CD4: variants seen among roughly 807,000 people sequenced by gnomAD.
CD4 encodes the protein T-cell surface glycoprotein CD4.
In CD4, 25 loss-of-function variants were observed where a neutral mutation model predicts 50.5. The observed-to-expected ratio is 0.49, with a 90% CI of 0.36 to 0.69. The LOEUF is 0.69. Among genes scored for constraint, CD4 ranks in the 30% least tolerant of loss-of-function variants. CD4 has a pLI of 0.00. For synonymous variants in CD4, 207 were observed against 221.9 expected (o/e 0.93, Z 0.60); for missense variants, 456 against 548.5 (o/e 0.83, Z 1.68).
intron 3 of CD4, among the ~76,000 whole-genome samples, chr12:6,811,698 G>A (rs1942945102): frequency 6.7e-6 from 1 of 149,798 alleles, no homozygotes; most frequent in South Asian, 2.1e-4. Context: ...TTTTAGTAGA[G>A]ATGGGGTTTC....
In CD4 at chr12:6,802,554, C is replaced by T. The variant is rs146973510; in HGVS notation, c.214+2083C>T. Among the ~76,000 whole-genome samples, 612 of 152,174 alleles carry T rather than the reference C, an allele frequency of 4.0e-3. 1 individual carries two copies. Among genetic ancestry groups the T allele is most frequent in the Non-Finnish European group, 6.9e-3 (466 of 68,000 alleles). ...AATTCCTAGGCTCAAGTGATCTTCC[C>T]GCTTTGGCCTCCCAAAGTGCTGGGA... On this transcript the variant is annotated intron_variant, in intron 3 of 9. Transcript: ENST00000011653.
intron 1 of CD4, 131 bp from the exon 2 acceptor site, chr12:6,799,941 T>A: frequency 1.7e-6 from 1 of 590,228 alleles, no homozygotes. Context: ...AACCTCCAAT[T>A]CCCTCTGCTA....
At chr12:6,814,432 C>A in intron 4 of CD4, 132 bp downstream of exon 4, 1 of 937,238 alleles carries the variant, frequency 1.1e-6, no homozygotes, top group Non-Finnish European at 1.6e-6. Flanking sequence ...GTCAAACTGG[C>A]CTCCAAATGT....
chr12:6,811,128 G>T (rs1942923963), intron 3 of CD4, among the ~76,000 whole-genome samples: 1 of 152,106 alleles, frequency 6.6e-6, no homozygotes, highest in Non-Finnish European at 1.5e-5. Context: ...GAGGACCTGG[G>T]CATCTCAGGG....
chr12:6,808,192 C>T (rs1300260591), intron 3 of CD4, among the ~76,000 whole-genome samples: 6 of 151,190 alleles, frequency 4.0e-5, no homozygotes, highest in Admixed American at 2.6e-4. Context: ...CAGTGGCTCA[C>T]GCCTGTAATC....
chr12:6,817,431 GGGGGTTAT>G, intron 7 of CD4, 101 bp downstream of exon 7: 2 of 987,976 alleles, frequency 2.0e-6, no homozygotes, highest in Non-Finnish European at 3.1e-6. Flanking sequence ...GCCTGAGTTG[GGGGGTTAT>G]GGGTATGGTG....
chr12:6,812,334 G>C (rs1212603410), intron 3 of CD4, among the ~76,000 whole-genome samples: 1 of 152,138 alleles, frequency 6.6e-6, no homozygotes, highest in African/African-American at 2.4e-5. Flanking sequence ...AGGAGGCAGA[G>C]GTTACAATGA....
In CD4 at chr12:6,798,464, C is replaced by CTTTTCTTTTTTTTTT. The variant is rs1408646315; in HGVS notation, c.-67-1604_-67-1603insCTTTTTTTTTTTTTT. 3.4e-3 allele frequency among the ~76,000 whole-genome samples: 362 copies of CTTTTCTTTTTTTTTT among 105,420 alleles called. 1 individual carries two copies. Among genetic ancestry groups the CTTTTCTTTTTTTTTT allele is most frequent in the African/African-American group, 4.0e-3 (118 of 29,350 alleles). The allele number at this position is 105,420 out of a possible 152,430, so 69.2% of individuals were successfully genotyped here. ...TGGGATTACACGTGTGAGGCAAGAA[C>CTTTTCTTTTTTTTTT]TTTTTAAAAGTGCATCTTGCGCAGC... is the stretch of plus-strand genomic sequence containing the variant. On this transcript the variant is annotated intron_variant, in intron 1 of 9. Transcript: ENST00000011653.
At chr12:6,800,235 G>A (rs200325999) in intron 2 of CD4, 48 bp downstream of exon 2, 1 of 1,613,038 alleles carries the variant, frequency 6.2e-7, no homozygotes, top group Non-Finnish European at 8.5e-7. Context: ...TGGGAGGAAA[G>A]GCAAAGGTGG....
intron 7 of CD4, among the ~76,000 whole-genome samples, chr12:6,817,731 ACT>A (rs144563272): frequency 0.096 from 12,860 of 134,604 alleles, 638 homozygotes; most frequent in East Asian, 0.18. Context: ...CACACACATC[ACT>A]CACACACTCG....
intron 3 of CD4, 28 bp from the exon 4 acceptor site, chr12:6,814,114 T>TCC: frequency 6.2e-7 from 1 of 1,600,564 alleles, no homozygotes; most frequent in South Asian, 1.1e-5. Flanking sequence ...GGCGCCTCAG[T>TCC]CCCCCCCCAT....
chr12:6,794,034 GTCTA>G (rs1307864212), intron 1 of CD4, among the ~76,000 whole-genome samples: 11 of 119,510 alleles, frequency 9.2e-5, no homozygotes, highest in African/African-American at 1.9e-4. Flanking sequence ...ATCTATATCT[GTCTA>G]TCTATCTTTA....
chr12:6,797,670 A>C (rs1371141010), intron 1 of CD4, among the ~76,000 whole-genome samples: 1 of 152,120 alleles, frequency 6.6e-6, no homozygotes, highest in African/African-American at 2.4e-5. Context: ...CATATGAGCA[A>C]AGACTCTGTG....
intron 3 of CD4, among the ~76,000 whole-genome samples, chr12:6,801,253 C>T (rs1942536694): frequency 6.6e-6 from 1 of 150,670 alleles, no homozygotes; most frequent in African/African-American, 2.4e-5. Context: ...TGTAGTGGCT[C>T]ACACCTGTAA....
At position 6,800,214 on chromosome 12, in the gene CD4, TG is replaced by T. The variant is rs3216776; in HGVS notation, c.49+28del. 0.62 allele frequency: 994,184 copies of T among 1,611,766 alleles called. 310,538 individuals carry two copies. Among genetic ancestry groups the T allele is most frequent in the East Asian group, 0.65 (29,056 of 44,810 alleles). ...TAAGTTCTCAGACCTGGGGTCTCAA[TG>T]CAGATGACGTGGGAGGAAAGGCAAA... On this transcript the variant is annotated intron_variant, in intron 2 of 9. Coordinates refer to ENST00000011653, the MANE Select transcript of CD4 (RefSeq NM_000616.5).
In CD4 at chr12:6,800,376, C is replaced by T; in HGVS notation, c.119C>T (p.Thr40Ile). 1.2e-6 allele frequency: 2 copies of T among 1,613,940 alleles called. No homozygotes were observed. Among genetic ancestry groups the T allele is most frequent in the Non-Finnish European group, 1.7e-6 (2 of 1,179,882 alleles). Residue 40 changes from threonine to isoleucine, a missense_variant, in exon 3 of 10, where the codon ACC (threonine) becomes ATC (isoleucine). Coordinates refer to ENST00000011653, the MANE Select transcript of CD4 (RefSeq NM_000616.5). ...LGKKGDTVEL[T>I]CTASQKKSIQ... is the part of the protein sequence containing the mutation. ...AAAAAAGGGGATACAGTGGAACTGA[C>T]CTGTACAGCTTCCCAGAAGAAGAGC...
rs868932808 is a variant in CD4 at position 6,808,394 on chromosome 12, C to T, written c.215-5748C>T. Among the ~76,000 whole-genome samples, 72 of 125,178 alleles carry T rather than the reference C, an allele frequency of 5.8e-4. No individual in the cohort carries two copies. In the Middle Eastern group the frequency reaches 0.024, roughly 42 times the overall value. 82.1% of individuals were successfully genotyped at this position (125,178 alleles called of 152,430 possible). On this transcript the variant is annotated intron_variant, in intron 3 of 9. Transcript: ENST00000011653. ...TTGAACCCAGGAGGCGAAGTTGCAG[C>T]GAGCCGAGATCACACTACTGCACTC...
intron 1 of CD4, among the ~76,000 whole-genome samples, chr12:6,793,684 CTATCT>C (rs1356315331): frequency 9.2e-5 from 9 of 98,072 alleles, no homozygotes; most frequent in Non-Finnish European, 1.4e-4. Context: ...ATCTATCTAT[CTATCT>C]ATCTATCTAT....
At position 6,792,303 on chromosome 12, in the gene CD4, CA is replaced by C. The variant is rs762739648; in HGVS notation, c.-68+2642del. Among the ~76,000 whole-genome samples the C allele has an allele frequency of 6.6e-6, 1 of 152,104 alleles. No homozygotes were observed. The highest frequency in any genetic ancestry group is 1.9e-4 in the East Asian group (1 of 5,180). Reference sequence around the variant, plus strand: ...CCCTGGGGGCCAGGGGTGAGGGCGGCAGGAACCTCAAGGCTCTGAGAAAGTG... The same window carrying C: ...CCCTGGGGGCCAGGGGTGAGGGCGGCGGAACCTCAAGGCTCTGAGAAAGTG... On this transcript the variant is annotated intron_variant, in intron 1 of 9. Transcript: ENST00000011653. The surrounding 1 kb of genome is among the most constrained non-coding windows in gnomAD (Gnocchi z 4.1).
Sources: allele counts gnomAD v4.1 joint callset (sites outside exome capture counted in the v4.1 genomes callset), GRCh38; gene constraint gnomAD v4.1.1; non-coding constraint Gnocchi (gnomAD v3.1); transcripts MANE v1.5; gene names NCBI Gene and HGNC (gene_info 2026-07-23, HGNC 2026-07-21).